Variants in FHIT observed in about 807,000 individuals in gnomAD.
The protein encoded by FHIT is bis(5'-adenosyl)-triphosphatase.
A neutral mutation model predicts 17.9 loss-of-function variants in FHIT; 19 were observed. That is an observed-to-expected ratio of 1.06 (90% CI 0.74 to 1.56). The LOEUF is 1.56. FHIT is among the 40% of genes most tolerant of loss of function. The probability of loss-of-function intolerance (pLI) is 0.00; values close to 1 mark genes in which losing one functional copy is unlikely to be tolerated. For missense variants in FHIT, 248 were observed against 189.2 expected (o/e 1.31, Z -1.82); for synonymous variants, 81 against 69.7 (o/e 1.16, Z -0.81).
chr3:60,137,723 A>T (rs77563983), intron 5 of FHIT, among the ~76,000 whole-genome samples: 8,216 of 147,180 alleles, frequency 0.056, 299 homozygotes, highest in Non-Finnish European at 0.078. Context: ...TCACACAGTC[A>T]GTATCACTTC....
intron 5 of FHIT, among the ~76,000 whole-genome samples, chr3:60,059,409 T>G (rs142373475): frequency 1.5e-3 from 232 of 152,218 alleles, no homozygotes; most frequent in Non-Finnish European, 1.7e-3. Flanking sequence ...GTGGCCCACC[T>G]TAAGAGAAGA....
At chr3:60,093,045 T>G (rs1703795743) in intron 5 of FHIT, among the ~76,000 whole-genome samples, 1 of 152,142 alleles carries the variant, frequency 6.6e-6, no homozygotes, top group African/African-American at 2.4e-5. Flanking sequence ...ACTGCCTCAC[T>G]TACAAGGCAA....
At chr3:60,441,733 T>C (rs2030837807) in intron 5 of FHIT, among the ~76,000 whole-genome samples, 1 of 70,092 alleles carries the variant, frequency 1.4e-5, no homozygotes. Flanking sequence ...TTTGTATTTA[T>C]ATATATATAT....
intron 5 of FHIT, among the ~76,000 whole-genome samples, chr3:60,152,210 T>C (rs1700496754): frequency 6.6e-6 from 1 of 151,050 alleles, no homozygotes; most frequent in African/African-American, 2.5e-5. Context: ...TATTTAAAAG[T>C]TTGCCTGCAA....
intron 5 of FHIT, among the ~76,000 whole-genome samples, chr3:60,307,961 A>G (rs1275887670): frequency 6.6e-6 from 1 of 152,176 alleles, no homozygotes; most frequent in Non-Finnish European, 1.5e-5. Flanking sequence ...TGCAGTGAGC[A>G]CTGTGCACAG....
At chr3:60,622,725 A>T (rs2039168837) in intron 4 of FHIT, among the ~76,000 whole-genome samples, 1 of 152,118 alleles carries the variant, frequency 6.6e-6, no homozygotes, top group African/African-American at 2.4e-5. Flanking sequence ...GGTTGGAGGG[A>T]GGCATTTCTA....
At chr3:60,737,172 G>A (rs1022056892) in intron 4 of FHIT, among the ~76,000 whole-genome samples, 1 of 152,122 alleles carries the variant, frequency 6.6e-6, no homozygotes, top group Non-Finnish European at 1.5e-5. Context: ...CCCTTTCACA[G>A]CTGTATCAAT....
At chr3:60,106,965 G>C (rs1284578345) in intron 5 of FHIT, among the ~76,000 whole-genome samples, 4 of 151,908 alleles carry the variant, frequency 2.6e-5, no homozygotes, top group Non-Finnish European at 5.9e-5. Context: ...TTTATTGTAA[G>C]CCTTCCCATT....
intron 2 of FHIT, among the ~76,000 whole-genome samples, chr3:61,171,470 A>T (rs1005440197): frequency 6.6e-6 from 1 of 152,186 alleles, no homozygotes; most frequent in African/African-American, 2.4e-5. Context: ...ATCTTAATTT[A>T]TAGACTAAAA....
chr3:61,107,852 T>C (rs2036035810), intron 2 of FHIT, among the ~76,000 whole-genome samples: 1 of 152,204 alleles, frequency 6.6e-6, no homozygotes, highest in African/African-American at 2.4e-5. Flanking sequence ...GCTGGATTGG[T>C]TGCAGCTGGG....
At chr3:60,226,472 C>G (rs79363022) in intron 5 of FHIT, among the ~76,000 whole-genome samples, 1 of 70,148 alleles carries the variant, frequency 1.4e-5, no homozygotes, top group Non-Finnish European at 2.7e-5. Context: ...AACTCCGTCT[C>G]AAAAAAAAAA....
intron 2 of FHIT, among the ~76,000 whole-genome samples, chr3:61,048,625 T>C (rs576554228): frequency 2.0e-5 from 3 of 152,210 alleles, no homozygotes; most frequent in Non-Finnish European, 4.4e-5. Context: ...ATCCTATTAC[T>C]GGGTATATAC....
intron 2 of FHIT, among the ~76,000 whole-genome samples, chr3:61,178,549 C>T (rs1405848625): frequency 1.4e-4 from 3 of 21,830 alleles, no homozygotes; most frequent in South Asian, 1.9e-3. Context: ...AAGAAAAAAA[C>T]GTTGTAATTA....
intron 3 of FHIT, among the ~76,000 whole-genome samples, chr3:60,951,521 T>C (rs1320465692): frequency 6.6e-6 from 1 of 152,176 alleles, no homozygotes; most frequent in Non-Finnish European, 1.5e-5. Flanking sequence ...ACACACTGCC[T>C]AACATTGCTC....
At chr3:59,982,308 T>C (rs1708689831) in intron 7 of FHIT, among the ~76,000 whole-genome samples, 1 of 152,162 alleles carries the variant, frequency 6.6e-6, no homozygotes, top group African/African-American at 2.4e-5. Context: ...AATTGTAGCT[T>C]TTGGGGCAAC....
At chr3:60,496,189 C>G (rs1168003721) in intron 5 of FHIT, among the ~76,000 whole-genome samples, 1 of 151,904 alleles carries the variant, frequency 6.6e-6, no homozygotes, top group Non-Finnish European at 1.5e-5. Context: ...CCTGTCCCGA[C>G]CCCATCACAC....
chr3:60,552,859 G>A (rs1156997046), intron 4 of FHIT, among the ~76,000 whole-genome samples: 2 of 152,182 alleles, frequency 1.3e-5, no homozygotes, highest in South Asian at 2.1e-4. Flanking sequence ...GCCAGTGTCT[G>A]TGTGAAATCT....
intron 4 of FHIT, among the ~76,000 whole-genome samples, chr3:60,558,734 C>T (rs1192344327): frequency 1.3e-5 from 2 of 152,120 alleles, no homozygotes; most frequent in African/African-American, 2.4e-5. Flanking sequence ...AGGCAGATGT[C>T]GCTAATTAAC....
Position 60,019,415 on chromosome 3 carries a change from C to CTTTTTTTTTTT in FHIT, c.104-5274_104-5264dup, listed in dbSNP as rs1281567026. 1.1e-3 allele frequency among the ~76,000 whole-genome samples: 130 copies of CTTTTTTTTTTT among 121,060 alleles called. 6 individuals carry two copies. Among genetic ancestry groups the CTTTTTTTTTTT allele is most frequent in the South Asian group, 0.01 (33 of 3,270 alleles). The allele number at this position is 121,060 out of a possible 152,430, so 79.4% of individuals were successfully genotyped here. On this transcript the variant is annotated intron_variant, in intron 5 of 9. Transcript: ENST00000492590. ...ATGGCATTTTAGAGTTGAGATGCTC[C>CTTTTTTTTTTT]TTTTTTTTTTTTTTTTTCCTGAGAT...
Sources: allele counts gnomAD v4.1 joint callset (sites outside exome capture counted in the v4.1 genomes callset), GRCh38; gene constraint gnomAD v4.1.1; transcripts MANE v1.5; gene names NCBI Gene and HGNC (gene_info 2026-07-23, HGNC 2026-07-21).